The following PARD3B variants were observed in gnomAD, a reference collection of about 807,000 sequenced individuals.
PARD3B encodes partitioning defective 3 homolog B.
PARD3B carries 103 observed loss-of-function variants against 130.2 expected under a neutral mutation model. The observed-to-expected ratio is 0.79, with a 90% CI of 0.67 to 0.93. The LOEUF is 0.93. Among genes scored for constraint, PARD3B ranks in the 40% least tolerant of loss-of-function variants. The pLI, the probability that PARD3B is intolerant of heterozygous loss-of-function variation, is 0.00. For synonymous variants in PARD3B, 583 were observed against 553.2 expected, an observed-to-expected ratio of 1.05 and a Z score of -0.76; for missense variants, 1,609 against 1,499.2, an observed-to-expected ratio of 1.07 and a Z score of -1.21.
chr2:204,938,022 G>A (rs1553562853), intron 2 of PARD3B, among the ~76,000 whole-genome samples: 1 of 152,148 alleles, frequency 6.6e-6, no homozygotes, highest in Non-Finnish European at 1.5e-5. Flanking sequence ...TGAGTCCTAG[G>A]TGTGCCCTCA....
chr2:205,155,080 A>C (rs968311853), intron 10 of PARD3B, among the ~76,000 whole-genome samples: 2 of 152,062 alleles, frequency 1.3e-5, no homozygotes, highest in African/African-American at 4.8e-5. Context: ...AAACAAATTT[A>C]GGTTATTCTT....
At chr2:205,602,219 A>G (rs1314728863) in intron 22 of PARD3B, among the ~76,000 whole-genome samples, 1 of 152,186 alleles carries the variant, frequency 6.6e-6, no homozygotes, top group East Asian at 1.9e-4. Flanking sequence ...CATCCCCGGG[A>G]TAAAGCTGAC....
chr2:204,977,867 A>G (rs914035312), intron 3 of PARD3B, among the ~76,000 whole-genome samples: 3 of 151,902 alleles, frequency 2.0e-5, no homozygotes, highest in Admixed American at 2.0e-4. Flanking sequence ...AAGGCCTGAA[A>G]GGGGAAAGAG....
chr2:205,214,784 A>C (rs1359982956), intron 15 of PARD3B, among the ~76,000 whole-genome samples: 1 of 152,080 alleles, frequency 6.6e-6, no homozygotes, highest in Non-Finnish European at 1.5e-5. Flanking sequence ...ATGTTGATGG[A>C]TATGTGAGTT....
intron 16 of PARD3B, among the ~76,000 whole-genome samples, chr2:205,249,898 A>G (rs1333673301): frequency 6.6e-6 from 1 of 151,994 alleles, no homozygotes; most frequent in Non-Finnish European, 1.5e-5. Context: ...TTGTTTCACT[A>G]ATTGAACTCT....
chr2:205,476,430 C>A (rs1037200054), intron 20 of PARD3B, among the ~76,000 whole-genome samples: 1 of 152,132 alleles, frequency 6.6e-6, no homozygotes, highest in South Asian at 2.1e-4. Flanking sequence ...AATCACCACC[C>A]TTAATGCATA....
In PARD3B at chr2:204,854,050, A is replaced by G. The variant is rs78911655; in HGVS notation, c.223-111102A>G. Among the ~76,000 whole-genome samples the G allele has an allele frequency of 7.7e-3, 1,180 of 152,260 alleles. 12 individuals carry two copies. The highest frequency in any genetic ancestry group is 0.025 in the African/African-American group (1,039 of 41,550). ...GTAGGGCATTTTTGGTAGAGAGAGGAGCATTTGCGAAGATCCTGAGAAAGA... is the reference window on the plus strand; with the variant it reads ...GTAGGGCATTTTTGGTAGAGAGAGGGGCATTTGCGAAGATCCTGAGAAAGA... On this transcript the variant is annotated intron_variant, in intron 2 of 22. Coordinates refer to ENST00000406610, the MANE Select transcript of PARD3B (RefSeq NM_001302769.2).
At chr2:205,468,559 A>G (rs189065769) in intron 20 of PARD3B, among the ~76,000 whole-genome samples, 16 of 152,280 alleles carry the variant, frequency 1.1e-4, no homozygotes, top group Non-Finnish European at 1.8e-4. Context: ...TATCCACCTC[A>G]TTGCTCAAGC....
chr2:204,998,244 A>G (rs1694413307), intron 3 of PARD3B, among the ~76,000 whole-genome samples: 2 of 145,318 alleles, frequency 1.4e-5, no homozygotes, highest in Admixed American at 6.9e-5. Context: ...GGTGCAGCAA[A>G]CCACCATGGC....
At chr2:205,137,695 G>A (rs2032602870) in intron 10 of PARD3B, among the ~76,000 whole-genome samples, 1 of 152,170 alleles carries the variant, frequency 6.6e-6, no homozygotes, top group South Asian at 2.1e-4. Context: ...TACTGGGCGG[G>A]AAGGCCCAGA....
intron 3 of PARD3B, among the ~76,000 whole-genome samples, chr2:204,983,739 G>A (rs562968932): frequency 1.3e-5 from 2 of 152,270 alleles, no homozygotes; most frequent in East Asian, 3.9e-4. Context: ...CTTATCCTTA[G>A]GATCAGAAGT....
chr2:205,125,614 T>C lies in PARD3B; in HGVS notation c.1311T>C (p.Asn437=). 2 of 1,613,952 alleles carry C rather than the reference T, an allele frequency of 1.2e-6. No homozygotes were observed. The highest frequency in any genetic ancestry group is 1.7e-6 in the Non-Finnish European group (2 of 1,179,940). The change falls in exon 10 of 23, where the codon AAT becomes AAC. Residue 437 remains asparagine (N), a synonymous_variant. Transcript: ENST00000406610. The surrounding 1 kb of genome is among the most constrained non-coding windows in gnomAD (Gnocchi z 4.0). The part of the protein sequence containing the change: ...LQSGDRILEV[N]GRDVTGRTQE... ...CATATGCTTTTATTCATTAGGTAAATGGGAGAGATGTCACCGGACGAACCC... is the reference window on the plus strand; with the variant it reads ...CATATGCTTTTATTCATTAGGTAAACGGGAGAGATGTCACCGGACGAACCC...
At chr2:204,773,095 A>G (rs1282892258) in intron 2 of PARD3B, among the ~76,000 whole-genome samples, 1 of 152,056 alleles carries the variant, frequency 6.6e-6, no homozygotes, top group Non-Finnish European at 1.5e-5. Flanking sequence ...TATATTTAAC[A>G]ATAATCATTT....
chr2:205,494,968 G>C (rs2049871212), intron 20 of PARD3B, among the ~76,000 whole-genome samples: 1 of 152,176 alleles, frequency 6.6e-6, no homozygotes, highest in Non-Finnish European at 1.5e-5. Flanking sequence ...ATAGGAGCTT[G>C]ATAAATGTTA....
At chr2:205,275,773 G>C (rs1250473763) in intron 16 of PARD3B, among the ~76,000 whole-genome samples, 1 of 143,594 alleles carries the variant, frequency 7.0e-6, no homozygotes, top group African/African-American at 2.6e-5. Context: ...GGAGGCGGAG[G>C]TTGCAGTGAG....
chr2:204,709,856 G>A (rs1243582382), intron 2 of PARD3B, among the ~76,000 whole-genome samples: 7 of 152,156 alleles, frequency 4.6e-5, no homozygotes, highest in Admixed American at 2.0e-4. Context: ...TTTGCTAATA[G>A]CCAAAGGATT....
At chr2:205,546,004 G>C (rs2052363250) in intron 21 of PARD3B, among the ~76,000 whole-genome samples, 1 of 152,128 alleles carries the variant, frequency 6.6e-6, no homozygotes, top group Non-Finnish European at 1.5e-5. Flanking sequence ...CTTTGCTTTT[G>C]TAAAGAAAAG....
chr2:204,950,759 A>G (rs1224530657), intron 2 of PARD3B, among the ~76,000 whole-genome samples: 2 of 152,238 alleles, frequency 1.3e-5, no homozygotes, highest in Non-Finnish European at 2.9e-5. Context: ...CTAGACATTC[A>G]AATGGGAGAC....
At chr2:205,006,013 C>T (rs952465421) in intron 3 of PARD3B, among the ~76,000 whole-genome samples, 3 of 152,120 alleles carry the variant, frequency 2.0e-5, no homozygotes, top group African/African-American at 4.8e-5. Flanking sequence ...AGTCTTAGGC[C>T]TTTGCATCGT....
Sources: allele counts gnomAD v4.1 joint callset (sites outside exome capture counted in the v4.1 genomes callset), GRCh38; gene constraint gnomAD v4.1.1; non-coding constraint Gnocchi (gnomAD v3.1); transcripts MANE v1.5; gene names NCBI Gene and HGNC (gene_info 2026-07-23, HGNC 2026-07-21).